The following LUZP2 variants were observed in gnomAD, a reference collection of about 807,000 sequenced individuals.
LUZP2 encodes the protein leucine zipper protein 2.
A neutral mutation model predicts 51.6 loss-of-function variants in LUZP2; 52 were observed. The ratio of observed to expected loss-of-function variants is 1.01; its 90% confidence interval spans 0.81 to 1.27. LUZP2 has a LOEUF of 1.27. Among genes scored for constraint, LUZP2 ranks in the 50% most tolerant of loss-of-function variants. The probability of loss-of-function intolerance (pLI) is 0.00; values close to 1 mark genes in which losing one functional copy is unlikely to be tolerated. For missense variants in LUZP2, 436 were observed against 395.4 expected, an observed-to-expected ratio of 1.10 and a Z score of -0.87; for synonymous variants, 154 against 137.3, an observed-to-expected ratio of 1.12 and a Z score of -0.85.
chr11:24,548,497 C>T (rs1046794061), intron 1 of LUZP2, among the ~76,000 whole-genome samples: 2 of 151,974 alleles, frequency 1.3e-5, no homozygotes, highest in African/African-American at 2.4e-5. Flanking sequence ...GGGAGCTAAA[C>T]ATTGAGTACA....
chr11:24,520,282 T>A (rs542546679), intron 1 of LUZP2, among the ~76,000 whole-genome samples: 10 of 152,260 alleles, frequency 6.6e-5, no homozygotes, highest in Non-Finnish European at 8.8e-5. Context: ...CACTAGTGTA[T>A]GACCGAAAAG....
chr11:24,642,484 T>A (rs1855324281), intron 1 of LUZP2, among the ~76,000 whole-genome samples: 1 of 151,900 alleles, frequency 6.6e-6, no homozygotes, highest in Non-Finnish European at 1.5e-5. Context: ...AACTTCCCAA[T>A]ACATTTTTAT....
chr11:25,015,440 T>C (rs1337471542), intron 9 of LUZP2, among the ~76,000 whole-genome samples: 1 of 152,194 alleles, frequency 6.6e-6, no homozygotes, highest in Non-Finnish European at 1.5e-5. Context: ...CTTTTCCTAT[T>C]TTAGGATCTA....
chr11:24,537,244 G>C (rs933341407), intron 1 of LUZP2, among the ~76,000 whole-genome samples: 1 of 151,934 alleles, frequency 6.6e-6, no homozygotes, highest in Non-Finnish European at 1.5e-5. Flanking sequence ...TGATAGGCTT[G>C]CTTGATGCAT....
At chr11:25,018,455 A>T (rs1318221819) in intron 9 of LUZP2, among the ~76,000 whole-genome samples, 1 of 152,132 alleles carries the variant, frequency 6.6e-6, no homozygotes, top group African/African-American at 2.4e-5. Flanking sequence ...GAATTCTCTC[A>T]TAAGGAATAT....
chr11:24,838,825 A>C (rs1850936985), intron 5 of LUZP2, among the ~76,000 whole-genome samples: 1 of 151,668 alleles, frequency 6.6e-6, no homozygotes, highest in South Asian at 2.1e-4. Flanking sequence ...TCCTTGAAAA[A>C]ATATGTATGT....
chr11:24,914,598 A>C lies in LUZP2; in HGVS notation c.522+60A>C. On this transcript the variant is annotated intron_variant, in intron 7 of 11. Transcript: ENST00000336930. The stretch of plus-strand genomic sequence containing the variant: ...CTAGCTCAATACCTAAAATATCAAA[A>C]ACATTATTTAGGTTAAATTTATTTT... 3 of 1,106,788 alleles carry C rather than the reference A, an allele frequency of 2.7e-6. No individual in the cohort carries two copies. The South Asian group carries it at 4.5e-5, about 16-fold the overall frequency. The allele number at this position is 1,106,788 out of a possible 1,614,324, so 68.6% of individuals were successfully genotyped here.
chr11:24,910,832 C>G (rs1267597880), intron 6 of LUZP2, among the ~76,000 whole-genome samples: 1 of 152,156 alleles, frequency 6.6e-6, no homozygotes, highest in Non-Finnish European at 1.5e-5. Flanking sequence ...CACCGTCCTC[C>G]AGACTCCAGA....
chr11:24,558,928 T>C (rs553837767), intron 1 of LUZP2, among the ~76,000 whole-genome samples: 66 of 152,300 alleles, frequency 4.3e-4, no homozygotes, highest in Non-Finnish European at 7.3e-4. Context: ...TTTTGGTTGT[T>C]TATAAATTAC....
chr11:24,742,142 G>A lies in LUZP2; in HGVS notation c.333+3840G>A, dbSNP rs547218240. ...GTTGGTTCCACAATTTTGCAATTGC[G>A]AATTGTGCACTATAAATATAAGTGT... On this transcript the variant is annotated intron_variant, in intron 4 of 11. Transcript: ENST00000336930. Among the ~76,000 whole-genome samples, 401 of 147,454 alleles carry A rather than the reference G, an allele frequency of 2.7e-3. 2 individuals are homozygous for A. Among genetic ancestry groups the A allele is most frequent in the Non-Finnish European group, 4.2e-3 (282 of 67,324 alleles).
chr11:24,536,493 A>G (rs926926342), intron 1 of LUZP2, among the ~76,000 whole-genome samples: 1 of 151,810 alleles, frequency 6.6e-6, no homozygotes. Flanking sequence ...CTTTTATGAT[A>G]TGGAGATGGC....
intron 1 of LUZP2, among the ~76,000 whole-genome samples, chr11:24,631,532 G>C (rs781258868): frequency 6.6e-6 from 1 of 151,468 alleles, no homozygotes; most frequent in South Asian, 2.1e-4. Flanking sequence ...ATTGATTTAC[G>C]TATGTTGAAA....
At chr11:24,656,450 A>C (rs1296293458) in intron 1 of LUZP2, among the ~76,000 whole-genome samples, 2 of 152,150 alleles carry the variant, frequency 1.3e-5, no homozygotes, top group African/African-American at 4.8e-5. Context: ...CTTCTGTAAC[A>C]AATTACCACA....
chr11:25,051,691 T>A (rs1212025074), intron 10 of LUZP2, among the ~76,000 whole-genome samples: 1 of 152,178 alleles, frequency 6.6e-6, no homozygotes, highest in Non-Finnish European at 1.5e-5. Flanking sequence ...ACAAGGGAGC[T>A]AGTTCAGGTT....
chr11:24,785,730 G>C, intron 5 of LUZP2: 1 of 283,322 alleles, frequency 3.5e-6, no homozygotes. Context: ...ATTATGGCTA[G>C]GATGCTACAT....
At chr11:24,529,402 A>T (rs192193440) in intron 1 of LUZP2, among the ~76,000 whole-genome samples, 56 of 151,226 alleles carry the variant, frequency 3.7e-4, no homozygotes, top group Non-Finnish European at 7.3e-4. Flanking sequence ...ATAAGTACTA[A>T]TCATGACTAC....
chr11:24,984,727 T>C (rs544786118), intron 9 of LUZP2, among the ~76,000 whole-genome samples: 1 of 151,228 alleles, frequency 6.6e-6, no homozygotes, highest in Non-Finnish European at 1.5e-5. Context: ...AAGTTTCTGC[T>C]GAGAGTCTTC....
chr11:24,718,598 G>A (rs900426823), intron 1 of LUZP2, among the ~76,000 whole-genome samples: 15 of 152,132 alleles, frequency 9.9e-5, no homozygotes, highest in African/African-American at 1.4e-4. Context: ...GAAGCACAGG[G>A]CTCAGATGCA....
chr11:24,887,741 A>G (rs1243899866), intron 5 of LUZP2, among the ~76,000 whole-genome samples: 1 of 152,212 alleles, frequency 6.6e-6, no homozygotes, highest in African/African-American at 2.4e-5. Context: ...AGGATATAAG[A>G]TTTCCCATTG....
Sources: gnomAD v4.1 joint callset for allele counts (sites outside exome capture counted in the v4.1 genomes callset) on GRCh38, gnomAD v4.1.1 for gene constraint, MANE v1.5 for transcripts, NCBI Gene and HGNC (gene_info 2026-07-23, HGNC 2026-07-21) for gene names.